CYP4F22: variants seen among roughly 807,000 people sequenced by gnomAD.
The protein encoded by CYP4F22 is ultra-long-chain fatty acid omega-hydroxylase.
CYP4F22 carries 37 observed loss-of-function variants against 60.4 expected under a neutral mutation model. That is an observed-to-expected ratio of 0.61 (90% CI 0.47 to 0.81). CYP4F22 has a LOEUF of 0.81. Ranked by LOEUF, CYP4F22 falls within the 30% of genes least tolerant of loss-of-function variation. The probability of loss-of-function intolerance (pLI) is 0.00; values close to 1 mark genes in which losing one functional copy is unlikely to be tolerated. For synonymous variants in CYP4F22, 258 were observed against 280.5 expected (o/e 0.92, Z 0.80); for missense variants, 655 against 715.0 (o/e 0.92, Z 0.96).
At position 15,522,022 on chromosome 19, in the gene CYP4F22, A is replaced by G. The variant is rs138332163; in HGVS notation, c.-108-1671A>G. ...TAGCCCAGCATGGTGGCGGGTGCCT[A>G]TAATCCAAGCTACTCGGTAGGCTGA... On this transcript the variant is annotated intron_variant, in intron 1 of 13. Transcript: ENST00000269703. Among the ~76,000 whole-genome samples the G allele has an allele frequency of 8.1e-3, 1,234 of 151,974 alleles. 25 individuals carry two copies. The highest frequency in any genetic ancestry group is 0.027 in the African/African-American group (1,136 of 41,450).
intron 1 of CYP4F22, among the ~76,000 whole-genome samples, chr19:15,510,964 A>T (rs1485115389): frequency 0.012 from 1,311 of 113,496 alleles, 34 homozygotes; most frequent in African/African-American, 0.05. Context: ...ATATATATAT[A>T]TATTTTTTTT....
intron 1 of CYP4F22, among the ~76,000 whole-genome samples, chr19:15,511,028 G>A (rs562812239): frequency 6.8e-4 from 99 of 144,930 alleles, no homozygotes; most frequent in African/African-American, 2.5e-3. Context: ...GTGTAATGGC[G>A]TGATCTTGGC....
chr19:15,540,561 G>A lies in CYP4F22; in HGVS notation c.783G>A (p.Gly261=), dbSNP rs559473877. ...TCATTTACTACCGCTCGGCGGATGG[G>A]CGGAGGTTCCGGCAGGCCTGTGACA... ...LDFIYYRSAD[G]RRFRQACDMV... Residue 261 remains glycine (G), a synonymous_variant, in exon 8 of 14, where the codon GGG becomes GGA. Coordinates refer to ENST00000269703, the MANE Select transcript of CYP4F22 (RefSeq NM_173483.4). 6.2e-7 allele frequency: 1 copy of A among 1,614,242 alleles called. No individual in the cohort carries two copies. Among genetic ancestry groups the A allele is most frequent in the East Asian group, 2.2e-5 (1 of 44,884 alleles).
intron 3 of CYP4F22, 82 bp from the exon 4 acceptor site, chr19:15,529,627 A>C: frequency 6.3e-7 from 1 of 1,577,288 alleles, no homozygotes; most frequent in Non-Finnish European, 8.6e-7. Context: ...TTGTTTTGAG[A>C]CTACAGGAGG....
intron 1 of CYP4F22, among the ~76,000 whole-genome samples, chr19:15,514,116 G>T (rs180964914): frequency 2.0e-5 from 3 of 152,286 alleles, no homozygotes; most frequent in African/African-American, 7.2e-5. Context: ...GGAAGCAAAT[G>T]ATCATCTAAA....
intron 8 of CYP4F22, 78 bp downstream of exon 8, chr19:15,540,795 T>C (rs932005936): frequency 6.4e-7 from 1 of 1,570,126 alleles, no homozygotes; most frequent in Non-Finnish European, 8.7e-7. Flanking sequence ...TGATAAGTGT[T>C]AAAACTCCAT....
At position 15,547,018 on chromosome 19, in the gene CYP4F22, G is replaced by GTTTTTTTTTTTTTTTTTTTTTTTTTT. The variant is rs71176432; in HGVS notation, c.1137-1068_1137-1067insTTTTTTTTTTTTTTTTTTTTTTTTTT. 7.3e-5 allele frequency among the ~76,000 whole-genome samples: 6 copies of GTTTTTTTTTTTTTTTTTTTTTTTTTT among 82,328 alleles called. 1 individual carries two copies. Among genetic ancestry groups the GTTTTTTTTTTTTTTTTTTTTTTTTTT allele is most frequent in the African/African-American group, 3.4e-4 (6 of 17,582 alleles). 54.0% of individuals were successfully genotyped at this position (82,328 alleles called of 152,430 possible). A position where few individuals can be genotyped will look rare whatever the true frequency, so the allele number is the denominator to read the frequency against. ...GAGCCACCATGCCTGGCCTGCACCA[G>GTTTTTTTTTTTTTTTTTTTTTTTTTT]TTTTTTTTTTTTTTTTTTTTTTAAG... On this transcript the variant is annotated intron_variant, in intron 10 of 13. Transcript: ENST00000269703.
At chr19:15,530,483 A>G (rs989805719) in intron 4 of CYP4F22, among the ~76,000 whole-genome samples, 1 of 152,084 alleles carries the variant, frequency 6.6e-6, no homozygotes, top group African/African-American at 2.4e-5. Context: ...TATCTTCCTC[A>G]TGAGCGGGAC....
chr19:15,525,930 G>GC (rs772747435), intron 3 of CYP4F22, among the ~76,000 whole-genome samples: 3 of 152,096 alleles, frequency 2.0e-5, no homozygotes, highest in Non-Finnish European at 2.9e-5. Flanking sequence ...GGGAGGCTGA[G>GC]GTAGGAGGAT....
At chr19:15,509,904 C>CTTTCCTTCCTTCCTTCTTTCTTT (rs1555725971) in intron 1 of CYP4F22, among the ~76,000 whole-genome samples, 2 of 86,696 alleles carry the variant, frequency 2.3e-5, no homozygotes, top group Non-Finnish European at 5.0e-5. Context: ...TTCCTTCCTT[C>CTTTCCTTCCTTCCTTCTTTCTTT]CTTTCTTTCT....
intron 9 of CYP4F22, 39 bp downstream of exon 9, chr19:15,544,076 G>A (rs1456031432): frequency 1.9e-6 from 3 of 1,614,032 alleles, no homozygotes; most frequent in South Asian, 1.1e-5. Context: ...GGCAGGAAGG[G>A]ACATCATTGT....
chr19:15,523,385 A>G (rs1352370357), intron 1 of CYP4F22, among the ~76,000 whole-genome samples: 1 of 150,738 alleles, frequency 6.6e-6, no homozygotes, highest in African/African-American at 2.5e-5. Flanking sequence ...AAAAACTCAC[A>G]ACAAGATCCC....
At chr19:15,540,300 AAAAT>A (rs1971442329) in intron 7 of CYP4F22, 146 bp from the exon 8 acceptor site, 1 of 972,954 alleles carries the variant, frequency 1.0e-6, no homozygotes, top group South Asian at 1.6e-5. Context: ...CCTATCTAAA[AAAAT>A]AAATAAATGA....
intron 8 of CYP4F22, among the ~76,000 whole-genome samples, chr19:15,542,936 T>C (rs1971480380): frequency 6.6e-6 from 1 of 152,242 alleles, no homozygotes; most frequent in Non-Finnish European, 1.5e-5. Context: ...TACCACATTT[T>C]CTTTATCCAG....
intron 7 of CYP4F22, among the ~76,000 whole-genome samples, chr19:15,539,301 T>C (rs530253651): frequency 4.5e-4 from 69 of 152,366 alleles, no homozygotes; most frequent in Middle Eastern, 3.4e-3. Flanking sequence ...TACAGACTTT[T>C]GTGTCTGGCT....
intron 8 of CYP4F22, among the ~76,000 whole-genome samples, chr19:15,541,479 C>T (rs1971461303): frequency 6.6e-6 from 1 of 151,858 alleles, no homozygotes; most frequent in South Asian, 2.1e-4. Flanking sequence ...AAAGACCTCT[C>T]TCCAAACACG....
In CYP4F22 at chr19:15,538,014, G is replaced by A. The variant is rs746123334; in HGVS notation, c.671+21G>A. The stretch of plus-strand genomic sequence containing the variant: ...CAAGAGTGAGTGTGACCCTTCTTGG[G>A]AAGATGGAGCCAGCTGCTCTAGGAG... On this transcript the variant is annotated intron_variant, in intron 7 of 13. Coordinates refer to ENST00000269703, the MANE Select transcript of CYP4F22 (RefSeq NM_173483.4). 1.9e-5 allele frequency: 30 copies of A among 1,613,812 alleles called. No homozygotes were observed. In the African/African-American group the frequency reaches 2.5e-4, roughly 14 times the overall value.
intron 3 of CYP4F22, 98 bp from the exon 4 acceptor site, chr19:15,529,611 T>C (rs1971319714): frequency 1.3e-6 from 2 of 1,523,810 alleles, no homozygotes; most frequent in Non-Finnish European, 1.8e-6. Context: ...TGTAGCACTA[T>C]TGGGCTTGTT....
At chr19:15,542,398 G>A (rs886327730) in intron 8 of CYP4F22, among the ~76,000 whole-genome samples, 1 of 151,894 alleles carries the variant, frequency 6.6e-6, no homozygotes, top group Non-Finnish European at 1.5e-5. Context: ...TTAGCCGGGC[G>A]TGGTGGCATG....
Sources: allele counts gnomAD v4.1 joint callset (sites outside exome capture counted in the v4.1 genomes callset), GRCh38; gene constraint gnomAD v4.1.1; transcripts MANE v1.5; gene names NCBI Gene and HGNC (gene_info 2026-07-23, HGNC 2026-07-21).